Variants in EPHA6 observed in about 807,000 individuals in gnomAD.
The protein encoded by EPHA6 is EPH receptor A6.
EPHA6 carries 50 observed loss-of-function variants against 112.0 expected under a neutral mutation model. The ratio of observed to expected loss-of-function variants is 0.45; its 90% CI spans 0.36 to 0.56. EPHA6 has a LOEUF of 0.56. Ranked by LOEUF, EPHA6 falls within the 20% of genes least tolerant of loss-of-function variation. The pLI, the probability that EPHA6 is intolerant of heterozygous loss-of-function variation, is 0.00. For synonymous variants in EPHA6, 529 were observed against 490.7 expected (o/e 1.08, Z -1.03); for missense variants, 1,280 against 1,417.4 (o/e 0.90, Z 1.56).
intron 14 of EPHA6, among the ~76,000 whole-genome samples, chr3:97,659,611 A>T (rs2094157353): frequency 6.6e-6 from 1 of 152,002 alleles, no homozygotes; most frequent in Admixed American, 6.6e-5. Flanking sequence ...TTGAACTCTA[A>T]TTAAGGAAGA....
intron 5 of EPHA6, among the ~76,000 whole-genome samples, chr3:97,318,396 G>A (rs2081945733): frequency 6.6e-6 from 1 of 151,944 alleles, no homozygotes; most frequent in East Asian, 1.9e-4. Context: ...TTGGAACTTA[G>A]CCTCTGGTGC....
chr3:97,276,820 T>G (rs2108653603), intron 5 of EPHA6, among the ~76,000 whole-genome samples: 1 of 151,994 alleles, frequency 6.6e-6, no homozygotes, highest in South Asian at 2.1e-4. Context: ...CACTAACTGA[T>G]TTGGGAGAGG....
Position 97,606,854 on chromosome 3 carries a change from A to G in EPHA6, c.2513-3939A>G, listed in dbSNP as rs112936795. On this transcript the variant is annotated intron_variant, in intron 12 of 17. Transcript: ENST00000389672. ...CATGGAAGGTAGAAATAGATTAAAT[A>G]ACTGGTCCAAAGAGTCCTGAGTTGC... Among the ~76,000 whole-genome samples the G allele has an allele frequency of 5.0e-3, 749 of 151,242 alleles. 8 individuals are homozygous for G. The highest frequency in any genetic ancestry group is 0.017 in the African/African-American group (716 of 41,480).
chr3:97,441,513 A>T (rs1414154950), intron 6 of EPHA6: 2 of 761,598 alleles, frequency 2.6e-6, no homozygotes, highest in African/African-American at 1.9e-5. Flanking sequence ...ACACAATTAG[A>T]ATCTGTTTGA....
chr3:96,979,178 G>A (rs1257093916), intron 2 of EPHA6, among the ~76,000 whole-genome samples: 1 of 151,636 alleles, frequency 6.6e-6, no homozygotes, highest in Non-Finnish European at 1.5e-5. Flanking sequence ...CATTTACATT[G>A]GGTATATCTC....
chr3:97,674,998 T>C (rs191490150), intron 14 of EPHA6, among the ~76,000 whole-genome samples: 146 of 152,186 alleles, frequency 9.6e-4, no homozygotes, highest in African/African-American at 3.1e-3. Flanking sequence ...GGATTTTTGC[T>C]CCCAAACAGA....
rs117779869 is a variant in EPHA6, at chr3:96,853,155, G to A, written c.386-13670G>A. On this transcript the variant is annotated intron_variant, in intron 1 of 17. Transcript: ENST00000389672. ...AGGCATAAAGGCATATTATCAAAAT[G>A]TATAATTACAGCTTGAGAGCAATAA... is the stretch of plus-strand genomic sequence containing the variant. 6.6e-5 allele frequency among the ~76,000 whole-genome samples: 10 copies of A among 152,066 alleles called. No individual in the cohort carries two copies. In the East Asian group the frequency reaches 1.6e-3, roughly 24 times the overall value.
chr3:97,325,739 T>G (rs140083595), intron 5 of EPHA6, among the ~76,000 whole-genome samples: 1 of 152,126 alleles, frequency 6.6e-6, no homozygotes, highest in Non-Finnish European at 1.5e-5. Context: ...TACCTCCTTT[T>G]TCTTATAATC....
At chr3:97,513,223 G>A (rs544141202) in intron 10 of EPHA6, among the ~76,000 whole-genome samples, 1 of 152,134 alleles carries the variant, frequency 6.6e-6, no homozygotes, top group Non-Finnish European at 1.5e-5. Flanking sequence ...TGCAGCCATG[G>A]TAGACAACAG....
intron 5 of EPHA6, among the ~76,000 whole-genome samples, chr3:97,315,046 T>C (rs575564441): frequency 6.6e-6 from 1 of 150,742 alleles, no homozygotes; most frequent in African/African-American, 2.5e-5. Context: ...TAGAAATAAA[T>C]AAATCAGTAT....
At chr3:97,494,529 C>T (rs759195370) in intron 10 of EPHA6, among the ~76,000 whole-genome samples, 1 of 152,086 alleles carries the variant, frequency 6.6e-6, no homozygotes, top group Non-Finnish European at 1.5e-5. Flanking sequence ...AAGTAAAATA[C>T]CTTTACTCCT....
intron 5 of EPHA6, among the ~76,000 whole-genome samples, chr3:97,264,054 G>A (rs2079590219): frequency 6.6e-6 from 1 of 152,164 alleles, no homozygotes; most frequent in South Asian, 2.1e-4. Context: ...AGCTGTGCAG[G>A]TTATACATTT....
intron 5 of EPHA6, among the ~76,000 whole-genome samples, chr3:97,336,602 A>G (rs1249251975): frequency 6.6e-5 from 10 of 152,156 alleles, no homozygotes. Flanking sequence ...ATTTAGAAAG[A>G]CAAGTGCAGT....
At chr3:97,709,101 G>T (rs2107758325) in intron 14 of EPHA6, among the ~76,000 whole-genome samples, 1 of 150,904 alleles carries the variant, frequency 6.6e-6, no homozygotes, top group African/African-American at 2.4e-5. Flanking sequence ...TGTGAGAAGA[G>T]GGACACTATC....
intron 5 of EPHA6, among the ~76,000 whole-genome samples, chr3:97,280,875 G>C (rs1188266409): frequency 3.3e-5 from 5 of 152,140 alleles, no homozygotes; most frequent in Non-Finnish European, 7.3e-5. Flanking sequence ...TGTCCCACAA[G>C]ATAAGCAATT....
At chr3:97,675,703 T>G (rs1036727553) in intron 14 of EPHA6, among the ~76,000 whole-genome samples, 8 of 152,152 alleles carry the variant, frequency 5.3e-5, no homozygotes, top group African/African-American at 1.9e-4. Flanking sequence ...TAACATTAAT[T>G]TTTCCATCAG....
chr3:97,407,131 T>C (rs2087402615), intron 6 of EPHA6, among the ~76,000 whole-genome samples: 1 of 152,060 alleles, frequency 6.6e-6, no homozygotes. Context: ...ATCATACAGA[T>C]GTAATAGAAA....
intron 14 of EPHA6, among the ~76,000 whole-genome samples, chr3:97,699,812 C>T (rs2033268456): frequency 6.6e-6 from 1 of 152,222 alleles, no homozygotes; most frequent in African/African-American, 2.4e-5. Context: ...TTTTCTATAA[C>T]ACATGTTCAT....
chr3:97,409,716 C>A (rs532999088), intron 6 of EPHA6, among the ~76,000 whole-genome samples: 1 of 152,148 alleles, frequency 6.6e-6, no homozygotes, highest in African/African-American at 2.4e-5. Context: ...AACATGAATC[C>A]CCTCATAACA....
Sources: allele counts gnomAD v4.1 joint callset (sites outside exome capture counted in the v4.1 genomes callset), GRCh38; gene constraint gnomAD v4.1.1; transcripts MANE v1.5; gene names NCBI Gene and HGNC (gene_info 2026-07-23, HGNC 2026-07-21).